Variants in TAFA1 observed in about 807,000 individuals in gnomAD.
TAFA1 encodes TAFA chemokine like family member 1.
A neutral mutation model predicts 18.5 loss-of-function variants in TAFA1; 4 were observed. The ratio of observed to expected loss-of-function variants is 0.22; its 90% CI spans 0.11 to 0.49. TAFA1 has a LOEUF of 0.49. Ranked by LOEUF, TAFA1 falls within the 20% of genes least tolerant of loss-of-function variation. TAFA1 has a pLI of 0.98. For synonymous variants in TAFA1, 56 were observed against 55.2 expected (o/e 1.01, Z -0.06); for missense variants, 147 against 169.0 (o/e 0.87, Z 0.72).
chr3:68,370,492 A>ATGTATG (rs1553682571), intron 2 of TAFA1, among the ~76,000 whole-genome samples: 2 of 85,298 alleles, frequency 2.3e-5, no homozygotes, highest in Non-Finnish European at 4.7e-5. Context: ...ATATATATAT[A>ATGTATG]TATATATATA....
At chr3:68,364,785 T>C (rs2069534943) in intron 2 of TAFA1, among the ~76,000 whole-genome samples, 1 of 152,244 alleles carries the variant, frequency 6.6e-6, no homozygotes, top group Non-Finnish European at 1.5e-5. Context: ...TTCCATATGT[T>C]AACTCTTCTG....
At chr3:68,027,047 C>CA (rs970501519) in intron 2 of TAFA1, among the ~76,000 whole-genome samples, 2 of 151,736 alleles carry the variant, frequency 1.3e-5, no homozygotes, top group Non-Finnish European at 2.9e-5. Context: ...TTAAAGAATC[C>CA]AAAACTGAGT....
chr3:68,235,060 G>A (rs2066912686), intron 2 of TAFA1, among the ~76,000 whole-genome samples: 1 of 152,272 alleles, frequency 6.6e-6, no homozygotes, highest in South Asian at 2.1e-4. Context: ...CTGGAGTTCT[G>A]AAGGTATTGC....
At chr3:68,184,460 C>A (rs938357754) in intron 2 of TAFA1, among the ~76,000 whole-genome samples, 2 of 151,976 alleles carry the variant, frequency 1.3e-5, no homozygotes, top group Non-Finnish European at 2.9e-5. Context: ...GCACTGTGTG[C>A]ATGTGTGTGT....
At chr3:68,287,733 G>A (rs1484213893) in intron 2 of TAFA1, among the ~76,000 whole-genome samples, 1 of 151,990 alleles carries the variant, frequency 6.6e-6, no homozygotes, top group Non-Finnish European at 1.5e-5. Context: ...CTTGCATTGC[G>A]CACTATATAA....
At chr3:68,162,083 T>C (rs1356846889) in intron 2 of TAFA1, among the ~76,000 whole-genome samples, 2 of 152,188 alleles carry the variant, frequency 1.3e-5, no homozygotes, top group Admixed American at 6.5e-5. Context: ...ATTTGCCAAT[T>C]GCTGGCCTAG....
intron 3 of TAFA1, among the ~76,000 whole-genome samples, chr3:68,516,721 C>T (rs966198235): frequency 3.9e-5 from 6 of 152,270 alleles, no homozygotes; most frequent in African/African-American, 1.4e-4. Flanking sequence ...AAAATCATTT[C>T]AGATAATAGT....
intron 3 of TAFA1, among the ~76,000 whole-genome samples, chr3:68,480,170 A>T (rs2072203497): frequency 6.6e-6 from 1 of 151,686 alleles, no homozygotes; most frequent in South Asian, 2.1e-4. Context: ...GGGCAGGTGG[A>T]TCACAAGGTC....
At position 68,039,375 on chromosome 3, in the gene TAFA1, AG is replaced by A. The variant is rs113489346; in HGVS notation, c.118+32632del. ...GTGGAAACCTTATGGATAAGGGACA[AG>A]TACTCTTTAACAATCAACTTTCTGT... On this transcript the variant is annotated intron_variant, in intron 2 of 4. Coordinates refer to ENST00000478136, the MANE Select transcript of TAFA1 (RefSeq NM_213609.4). 4.1e-3 allele frequency among the ~76,000 whole-genome samples: 617 copies of A among 152,318 alleles called. 3 individuals are homozygous for A. The highest frequency in any genetic ancestry group is 0.014 in the African/African-American group (592 of 41,578).
intron 3 of TAFA1, among the ~76,000 whole-genome samples, chr3:68,536,917 A>G (rs2073286462): frequency 6.6e-6 from 1 of 152,184 alleles, no homozygotes; most frequent in South Asian, 2.1e-4. Context: ...TGGTAAGGAT[A>G]TATTTTTATC....
intron 2 of TAFA1, among the ~76,000 whole-genome samples, chr3:68,285,500 T>G (rs935782006): frequency 6.6e-6 from 1 of 152,064 alleles, no homozygotes; most frequent in South Asian, 2.1e-4. Flanking sequence ...ATAGCAACAT[T>G]TATATATAGC....
intron 2 of TAFA1, among the ~76,000 whole-genome samples, chr3:68,133,508 G>A (rs984822086): frequency 1.3e-5 from 2 of 152,274 alleles, no homozygotes; most frequent in South Asian, 2.1e-4. Context: ...AACATGGAAT[G>A]TTTTTCCATT....
intron 2 of TAFA1, among the ~76,000 whole-genome samples, chr3:68,061,158 C>T (rs1007055075): frequency 6.6e-6 from 1 of 152,180 alleles, no homozygotes; most frequent in African/African-American, 2.4e-5. Context: ...AGCTCCATGA[C>T]ATGGCATATG....
At position 68,131,692 on chromosome 3, in the gene TAFA1, C is replaced by T. The variant is rs772714588; in HGVS notation, c.118+124948C>T. On this transcript the variant is annotated intron_variant, in intron 2 of 4. Coordinates refer to ENST00000478136, the MANE Select transcript of TAFA1 (RefSeq NM_213609.4). The stretch of plus-strand genomic sequence containing the variant: ...GGGCTGGGCTGCATACAGCCATCAG[C>T]GTTCAAGGCTCATGCCTTACAATCA... 4.3e-4 allele frequency among the ~76,000 whole-genome samples: 66 copies of T among 152,194 alleles called. 1 individual carries two copies. Among genetic ancestry groups the T allele is most frequent in the Non-Finnish European group, 2.2e-4 (15 of 68,022 alleles).
chr3:68,104,275 C>G (rs2065180914), intron 2 of TAFA1, among the ~76,000 whole-genome samples: 1 of 151,980 alleles, frequency 6.6e-6, no homozygotes, highest in Non-Finnish European at 1.5e-5. Flanking sequence ...ATTACAAGGA[C>G]AATTGTCTAA....
At position 68,381,760 on chromosome 3, in the gene TAFA1, G is replaced by A. The variant is rs573872003; in HGVS notation, c.119-35520G>A. On this transcript the variant is annotated intron_variant, in intron 2 of 4. Transcript: ENST00000478136. ...CTCTTTTCCTAATTGAATACCCTTTGTTTCCTTCTGCTGCCTGATTGCCCT... is the reference window on the plus strand; with the variant it reads ...CTCTTTTCCTAATTGAATACCCTTTATTTCCTTCTGCTGCCTGATTGCCCT... 7.2e-5 allele frequency among the ~76,000 whole-genome samples: 11 copies of A among 151,788 alleles called. No individual in the cohort carries two copies. The East Asian group carries it at 1.6e-3, about 21-fold the overall frequency.
At chr3:68,149,975 G>A (rs6809305) in intron 2 of TAFA1, among the ~76,000 whole-genome samples, 10,599 of 152,208 alleles carry the variant, frequency 0.07, 428 homozygotes, top group Middle Eastern at 0.13. Context: ...CTGAAAAGCT[G>A]TATTTATTTC....
intron 2 of TAFA1, among the ~76,000 whole-genome samples, chr3:68,082,659 C>G (rs1053796492): frequency 6.6e-6 from 1 of 152,046 alleles, no homozygotes; most frequent in Admixed American, 6.5e-5. Context: ...ATGATGATAA[C>G]GATGATGATG....
At chr3:68,278,612 G>A (rs1014843328) in intron 2 of TAFA1, among the ~76,000 whole-genome samples, 10 of 152,050 alleles carry the variant, frequency 6.6e-5, no homozygotes, top group Admixed American at 3.9e-4. Flanking sequence ...CCCCTTCTGC[G>A]CCTGGGTAGA....
Sources: allele counts gnomAD v4.1 joint callset (sites outside exome capture counted in the v4.1 genomes callset), GRCh38; gene constraint gnomAD v4.1.1; transcripts MANE v1.5; gene names NCBI Gene and HGNC (gene_info 2026-07-23, HGNC 2026-07-21).